The following PTPRD variants were observed in gnomAD, a reference collection of about 807,000 sequenced individuals.
The protein encoded by PTPRD is receptor-type tyrosine-protein phosphatase delta.
A neutral mutation model predicts 214.5 loss-of-function variants in PTPRD; 34 were observed. The observed-to-expected ratio is 0.16, with a 90% confidence interval of 0.12 to 0.21. PTPRD has a LOEUF of 0.21. Among genes scored for constraint, PTPRD ranks in the 10% least tolerant of loss-of-function variants. The probability of loss-of-function intolerance (pLI) is 1.00; values close to 1 mark genes in which losing one functional copy is unlikely to be tolerated. For synonymous variants in PTPRD, 1,128 were observed against 845.7 expected (o/e 1.33, Z -5.79); for missense variants, 2,545 against 2,398.7 (o/e 1.06, Z -1.27).
At chr9:10,600,776 A>T (rs2077764335) in intron 2 of PTPRD, among the ~76,000 whole-genome samples, 2 of 151,798 alleles carry the variant, frequency 1.3e-5, no homozygotes, top group Admixed American at 6.6e-5. Context: ...GTTGGATTTC[A>T]TGGTATATAT....
intron 4 of PTPRD, among the ~76,000 whole-genome samples, chr9:9,960,705 T>C (rs989301288): frequency 6.6e-6 from 1 of 151,942 alleles, no homozygotes; most frequent in Non-Finnish European, 1.5e-5. Context: ...TGAGCAATAC[T>C]CATCAACAAT....
At chr9:8,948,281 G>A (rs1458279710) in intron 11 of PTPRD, among the ~76,000 whole-genome samples, 1 of 147,478 alleles carries the variant, frequency 6.8e-6, no homozygotes, top group Non-Finnish European at 1.5e-5. Context: ...GCCTCCCAAA[G>A]TGCTGGGATT....
chr9:9,125,553 C>G (rs751787374), intron 10 of PTPRD, among the ~76,000 whole-genome samples: 1 of 152,126 alleles, frequency 6.6e-6, no homozygotes, highest in African/African-American at 2.4e-5. Flanking sequence ...AAGGACTTTA[C>G]CTTTTATATT....
chr9:8,485,517 T>G, intron 28 of PTPRD, 193 bp from the exon 29 acceptor site: 1 of 620,580 alleles, frequency 1.6e-6, no homozygotes, highest in Non-Finnish European at 2.8e-6. Flanking sequence ...TCTCTCCAAT[T>G]CAGCCAACTC....
intron 3 of PTPRD, among the ~76,000 whole-genome samples, chr9:10,061,146 G>A (rs923497504): frequency 6.6e-6 from 1 of 151,666 alleles, no homozygotes; most frequent in East Asian, 1.9e-4. Flanking sequence ...AAATAGAAAA[G>A]AAATACTTGC....
intron 8 of PTPRD, among the ~76,000 whole-genome samples, chr9:9,420,133 G>C (rs2078245033): frequency 6.6e-6 from 1 of 151,454 alleles, no homozygotes. Flanking sequence ...ATTTCTCCTT[G>C]TTAAAGTTTA....
intron 3 of PTPRD, among the ~76,000 whole-genome samples, chr9:10,307,167 T>A (rs1049200281): frequency 6.6e-6 from 1 of 151,316 alleles, no homozygotes; most frequent in Admixed American, 6.6e-5. Context: ...GAGCACTTAT[T>A]CCTTCTATCG....
At chr9:8,558,236 C>T (rs1214244210) in intron 14 of PTPRD, among the ~76,000 whole-genome samples, 1 of 152,182 alleles carries the variant, frequency 6.6e-6, no homozygotes, top group African/African-American at 2.4e-5. Context: ...CTTATGCAAA[C>T]GGAGACAACT....
At chr9:8,750,901 T>G (rs997307771) in intron 11 of PTPRD, among the ~76,000 whole-genome samples, 2 of 151,670 alleles carry the variant, frequency 1.3e-5, no homozygotes, top group African/African-American at 4.9e-5. Context: ...ACTTCTCCAG[T>G]GGCTGTGTGC....
intron 12 of PTPRD, among the ~76,000 whole-genome samples, chr9:8,685,735 G>C (rs1021323733): frequency 1.3e-5 from 2 of 152,080 alleles, no homozygotes; most frequent in South Asian, 4.2e-4. Flanking sequence ...CCACAGAAGA[G>C]GTACAGGCCG....
rs186479614 is a variant in PTPRD, at chr9:8,465,063, A to G, written c.3714+403T>C. Among the ~76,000 whole-genome samples, 291 of 152,058 alleles carry G rather than the reference A, an allele frequency of 1.9e-3. 1 individual carries two copies. The highest frequency in any genetic ancestry group is 6.9e-3 in the African/African-American group (286 of 41,538). On this transcript the variant is annotated intron_variant, in intron 32 of 45. Coordinates refer to ENST00000381196, the MANE Select transcript of PTPRD (RefSeq NM_002839.4). ...GCCAAGCTTGTGAGTTCCCATTGCA[A>G]TCACAGGGGCTAATGTCAACCAGGT...
At chr9:9,061,331 T>C (rs12006155) in intron 10 of PTPRD, among the ~76,000 whole-genome samples, 19,997 of 152,244 alleles carry the variant, frequency 0.13, 1,589 homozygotes, top group African/African-American at 0.22. Context: ...TGTAACGCAA[T>C]TTCCCATTTC....
chr9:8,699,048 T>C (rs2098006265), intron 12 of PTPRD, among the ~76,000 whole-genome samples: 1 of 152,196 alleles, frequency 6.6e-6, no homozygotes, highest in Admixed American at 6.5e-5. Context: ...GGATTTCTCA[T>C]ACCCTACCAG....
At chr9:9,221,338 T>C (rs1373108005) in intron 9 of PTPRD, among the ~76,000 whole-genome samples, 1 of 152,098 alleles carries the variant, frequency 6.6e-6, no homozygotes, top group Admixed American at 6.6e-5. Context: ...CTAATTTGGT[T>C]AACTTTACTT....
intron 3 of PTPRD, among the ~76,000 whole-genome samples, chr9:10,328,257 T>C (rs60634420): frequency 0.026 from 3,958 of 151,828 alleles, 183 homozygotes; most frequent in African/African-American, 0.091. Context: ...CTTATTTTCT[T>C]AGTAGCTCAG....
intron 9 of PTPRD, among the ~76,000 whole-genome samples, chr9:9,256,597 C>A (rs953548975): frequency 1.3e-5 from 2 of 151,928 alleles, no homozygotes; most frequent in African/African-American, 4.8e-5. Flanking sequence ...TTTGGCAGAT[C>A]TGGGACTAGA....
At chr9:9,295,875 C>A (rs2151324) in intron 9 of PTPRD, among the ~76,000 whole-genome samples, 16,199 of 151,856 alleles carry the variant, frequency 0.11, 1,103 homozygotes, top group South Asian at 0.16. Context: ...AGATTATGGC[C>A]CCATTTTCAC....
intron 9 of PTPRD, among the ~76,000 whole-genome samples, chr9:9,376,605 C>A (rs1377509924): frequency 6.6e-6 from 1 of 151,996 alleles, no homozygotes; most frequent in Non-Finnish European, 1.5e-5. Flanking sequence ...TTCCTAAACA[C>A]TGAAGAGCTT....
intron 35 of PTPRD, among the ~76,000 whole-genome samples, chr9:8,418,173 CT>C (rs1302761509): frequency 2.0e-5 from 3 of 151,380 alleles, no homozygotes; most frequent in Admixed American, 2.0e-4. Context: ...TCATTTCTGA[CT>C]TTTTTGCACT....
Sources: allele counts gnomAD v4.1 joint callset (sites outside exome capture counted in the v4.1 genomes callset), GRCh38; gene constraint gnomAD v4.1.1; transcripts MANE v1.5; gene names NCBI Gene and HGNC (gene_info 2026-07-23, HGNC 2026-07-21).